ROBO1: variants seen among roughly 807,000 people sequenced by gnomAD.
ROBO1 encodes roundabout homolog 1.
A neutral mutation model predicts 195.9 loss-of-function variants in ROBO1; 149 were observed. That is an observed-to-expected ratio of 0.76 (90% CI 0.67 to 0.87). ROBO1 has a LOEUF of 0.87. Ranked by LOEUF, ROBO1 falls within the 40% of genes least tolerant of loss-of-function variation. The probability of loss-of-function intolerance (pLI) is 0.00; values close to 1 mark genes in which losing one functional copy is unlikely to be tolerated. For missense variants in ROBO1, 1,933 were observed against 2,068.3 expected (o/e 0.93, Z 1.27); for synonymous variants, 816 against 733.2 (o/e 1.11, Z -1.82).
At chr3:79,577,827 G>T (rs1392829135) in intron 2 of ROBO1, among the ~76,000 whole-genome samples, 1 of 151,592 alleles carries the variant, frequency 6.6e-6, no homozygotes, top group Admixed American at 6.6e-5. Context: ...CAGGAGAATC[G>T]CTTGAACTCG....
chr3:79,042,154 G>T (rs1334258474), intron 3 of ROBO1, among the ~76,000 whole-genome samples: 1 of 151,966 alleles, frequency 6.6e-6, no homozygotes, highest in Non-Finnish European at 1.5e-5. Context: ...ATACATACAG[G>T]TCCCAGATAT....
intron 2 of ROBO1, among the ~76,000 whole-genome samples, chr3:79,486,970 C>T (rs151134040): frequency 0.011 from 1,608 of 152,234 alleles, 11 homozygotes; most frequent in Non-Finnish European, 0.018. Flanking sequence ...ACAAACTCTA[C>T]TAACTGGCCT....
chr3:79,748,861 C>T (rs1443015043), intron 1 of ROBO1, among the ~76,000 whole-genome samples: 4 of 152,162 alleles, frequency 2.6e-5, no homozygotes, highest in Non-Finnish European at 5.9e-5. Flanking sequence ...CCATTAAAAT[C>T]TCTTTTTCTT....
At chr3:79,039,905 A>G (rs903363932) in intron 3 of ROBO1, among the ~76,000 whole-genome samples, 3 of 151,974 alleles carry the variant, frequency 2.0e-5, no homozygotes, top group Non-Finnish European at 2.9e-5. Flanking sequence ...GAGGACAATA[A>G]TAACTTCCTT....
At chr3:79,461,591 G>A (rs1937640933) in intron 2 of ROBO1, among the ~76,000 whole-genome samples, 1 of 152,048 alleles carries the variant, frequency 6.6e-6, no homozygotes, top group South Asian at 2.1e-4. Flanking sequence ...GTACCACATG[G>A]ACTAGAAGAA....
intron 1 of ROBO1, among the ~76,000 whole-genome samples, chr3:79,622,582 C>A (rs187835116): frequency 4.3e-4 from 66 of 152,304 alleles, no homozygotes; most frequent in African/African-American, 1.6e-3. Flanking sequence ...GACAAGAGTG[C>A]CTCTTGAGGC....
At chr3:79,253,427 T>C (rs2082768946) in intron 2 of ROBO1, among the ~76,000 whole-genome samples, 1 of 152,212 alleles carries the variant, frequency 6.6e-6, no homozygotes, top group Non-Finnish European at 1.5e-5. Context: ...TCAGTATGTG[T>C]TCCAATTCAT....
At chr3:78,731,631 GA>G (rs1169370118) in intron 5 of ROBO1, among the ~76,000 whole-genome samples, 2 of 151,596 alleles carry the variant, frequency 1.3e-5, no homozygotes, top group Admixed American at 6.6e-5. Context: ...CATCTCTTCT[GA>G]AAAAAAATGC....
intron 4 of ROBO1, among the ~76,000 whole-genome samples, chr3:78,821,161 ATT>A (rs71631622): frequency 8.4e-4 from 103 of 122,204 alleles, no homozygotes; most frequent in African/African-American, 2.8e-3. Context: ...TATGATACTG[ATT>A]TTTTTTTTTT....
chr3:79,337,454 C>T (rs2034725767), intron 2 of ROBO1, among the ~76,000 whole-genome samples: 1 of 152,152 alleles, frequency 6.6e-6, no homozygotes, highest in Admixed American at 6.5e-5. Flanking sequence ...TCACTTGGCC[C>T]TCACTTCTCT....
chr3:79,664,411 T>A (rs1037201856), intron 1 of ROBO1, among the ~76,000 whole-genome samples: 11 of 152,156 alleles, frequency 7.2e-5, no homozygotes, highest in African/African-American at 2.6e-4. Flanking sequence ...ATCACCACCA[T>A]TTTACCTCTA....
At chr3:78,954,396 C>T (rs562153198) in intron 3 of ROBO1, among the ~76,000 whole-genome samples, 294 of 151,986 alleles carry the variant, frequency 1.9e-3, no homozygotes, top group Non-Finnish European at 3.5e-3. Context: ...TACAAAAATA[C>T]TATGGGTAGC....
chr3:79,029,908 A>G (rs1324144166), intron 3 of ROBO1, among the ~76,000 whole-genome samples: 1 of 152,164 alleles, frequency 6.6e-6, no homozygotes, highest in African/African-American at 2.4e-5. Context: ...TCTTCTGTAC[A>G]TCTTGTAAAC....
At chr3:79,636,001 T>TA (rs1432835180) in intron 1 of ROBO1, among the ~76,000 whole-genome samples, 1 of 152,178 alleles carries the variant, frequency 6.6e-6, no homozygotes, top group Non-Finnish European at 1.5e-5. Flanking sequence ...CCACTTCTGT[T>TA]ACGTTTGTTA....
chr3:79,018,470 G>A, intron 3 of ROBO1: 1 of 1,613,782 alleles, frequency 6.2e-7, no homozygotes, highest in East Asian at 2.2e-5. Flanking sequence ...ATTGTCCTCG[G>A]GTGGATCCTG....
chr3:79,485,274 C>T (rs1224735626), intron 2 of ROBO1, among the ~76,000 whole-genome samples: 6 of 151,270 alleles, frequency 4.0e-5, no homozygotes, highest in Non-Finnish European at 7.4e-5. Flanking sequence ...AAAATGTACA[C>T]GTTAATTCAA....
intron 6 of ROBO1, 42 bp from the exon 7 acceptor site, chr3:78,717,455 G>T: frequency 6.4e-7 from 1 of 1,572,574 alleles, no homozygotes; most frequent in South Asian, 1.1e-5. Flanking sequence ...ATTTTAAAAT[G>T]AACCAGCTGA....
chr3:79,665,588 A>T (rs1946454088), intron 1 of ROBO1, among the ~76,000 whole-genome samples: 1 of 151,296 alleles, frequency 6.6e-6, no homozygotes, highest in Non-Finnish European at 1.5e-5. Flanking sequence ...CAAAAAAAAC[A>T]TTTGAGTCTG....
chr3:79,129,873 G>A (rs1232533054), intron 2 of ROBO1, among the ~76,000 whole-genome samples: 2 of 147,182 alleles, frequency 1.4e-5, no homozygotes, highest in Admixed American at 6.9e-5. Context: ...TGTAAGGAAG[G>A]GATCCAGTTT....
Sources: gnomAD v4.1 joint callset for allele counts (sites outside exome capture counted in the v4.1 genomes callset) on GRCh38, gnomAD v4.1.1 for gene constraint, MANE v1.5 for transcripts, NCBI Gene and HGNC (gene_info 2026-07-23, HGNC 2026-07-21) for gene names.